Variants in ASB9 observed in about 807,000 individuals in gnomAD.
The protein encoded by ASB9 is ankyrin repeat and SOCS box containing 9.
Under a neutral mutation model 16.6 loss-of-function variants are expected in ASB9, and 5 were observed. That is an observed-to-expected ratio of 0.30 (90% CI 0.16 to 0.63). The LOEUF is 0.63. ASB9 is among the 30% of genes least tolerant of loss of function. The pLI, the probability that ASB9 is intolerant of heterozygous loss-of-function variation, is 0.82. For synonymous variants in ASB9, 100 were observed against 86.4 expected, an observed-to-expected ratio of 1.16 and a Z score of -0.87; for missense variants, 216 against 229.4, an observed-to-expected ratio of 0.94 and a Z score of 0.38.
chrX:15,265,424 A>G (rs1926301111), intron 1 of ASB9, among the ~76,000 whole-genome samples: 1 of 112,099 alleles, frequency 8.9e-6, no homozygotes, highest in Non-Finnish European at 1.9e-5. Context: ...TAATCAAGCA[A>G]CATACGCTGA....
intron 3 of ASB9, 66 bp from the exon 4 acceptor site, chrX:15,252,470 C>T: frequency 2.0e-6 from 2 of 1,023,700 alleles, no homozygotes; most frequent in Non-Finnish European, 2.6e-6. Context: ...GTGGGGTCCA[C>T]CACTCTGAAG....
In ASB9 at chrX:15,263,738, T is replaced by A. The variant is rs181890183; in HGVS notation, c.95-4793A>T. Among the ~76,000 whole-genome samples the A allele has an allele frequency of 8.1e-5, 9 of 111,389 alleles. No individual in the cohort carries two copies. In the East Asian group the frequency reaches 2.5e-3, roughly 31 times the overall value. On this transcript the variant is annotated intron_variant, in intron 1 of 6. Coordinates refer to ENST00000380488, the MANE Select transcript of ASB9 (RefSeq NM_001031739.3). The stretch of plus-strand genomic sequence containing the variant: ...TATCTAAAAATTCACCATAAGACAA[T>A]AAAATTGTTTTCTTTCAATACCTGT...
intron 5 of ASB9, among the ~76,000 whole-genome samples, chrX:15,250,119 C>G (rs962477291): frequency 1.8e-5 from 2 of 111,469 alleles, no homozygotes; most frequent in Non-Finnish European, 3.8e-5. Context: ...AATAATGTGA[C>G]TGGCCAAATG....
At chrX:15,252,932 G>C (rs980515855) in intron 3 of ASB9, among the ~76,000 whole-genome samples, 1 of 112,615 alleles carries the variant, frequency 8.9e-6, no homozygotes, top group African/African-American at 3.2e-5. Context: ...AGATGGTAAG[G>C]CTGGCTCAAA....
chrX:15,248,039 A>C (rs940086603), intron 6 of ASB9, among the ~76,000 whole-genome samples: 1 of 112,085 alleles, frequency 8.9e-6, no homozygotes, highest in Non-Finnish European at 1.9e-5. Context: ...TTCAGAGTCC[A>C]TACTCCGGTA....
intron 1 of ASB9, among the ~76,000 whole-genome samples, chrX:15,267,577 T>C (rs1221738122): frequency 1.2e-5 from 1 of 86,068 alleles, no homozygotes; most frequent in Non-Finnish European, 2.2e-5. Context: ...ACCCCGTCTC[T>C]ACTAAAAATA....
intron 2 of ASB9, among the ~76,000 whole-genome samples, chrX:15,256,704 G>C (rs79578578): frequency 0.3 from 29,065 of 95,763 alleles, 4,724 homozygotes; most frequent in South Asian, 0.48. Context: ...GTGAACCCCA[G>C]GGGGCGGAGC....
chrX:15,254,884 A>C, intron 2 of ASB9, 40 bp from the exon 3 acceptor site: 1 of 1,089,094 alleles, frequency 9.2e-7, no homozygotes. Context: ...GGTGCAAAGC[A>C]ACAGTGCCCT....
At chrX:15,256,515 C>A (rs1454271785) in intron 2 of ASB9, among the ~76,000 whole-genome samples, 2 of 107,384 alleles carry the variant, frequency 1.9e-5, no homozygotes, top group Non-Finnish European at 3.8e-5. Context: ...CAGTGGCTCA[C>A]GCCTGTAATC....
At chrX:15,258,306 A>C (rs191466370) in intron 2 of ASB9, among the ~76,000 whole-genome samples, 1,791 of 112,118 alleles carry the variant, frequency 0.016, 36 homozygotes, top group African/African-American at 0.054. Flanking sequence ...GATATATAAA[A>C]GCTGCAGTGA....
chrX:15,249,056 C>A, intron 5 of ASB9, 121 bp from the exon 6 acceptor site: 3 of 707,873 alleles, frequency 4.2e-6, no homozygotes, highest in South Asian at 4.4e-5. Flanking sequence ...GCACAGCAAT[C>A]CTGGAAAAAT....
chrX:15,258,128 C>A (rs1355014257), intron 2 of ASB9, among the ~76,000 whole-genome samples: 3 of 111,740 alleles, frequency 2.7e-5, no homozygotes, highest in African/African-American at 9.8e-5. Flanking sequence ...ATGGGGTGGA[C>A]TGACCTAGGT....
intron 3 of ASB9, 25 bp downstream of exon 3, chrX:15,254,712 A>G (rs1486817649): frequency 4.4e-6 from 5 of 1,130,840 alleles, no homozygotes; most frequent in Non-Finnish European, 6.1e-6. Flanking sequence ...CTTGGTTTCT[A>G]AGATGTTGTT....
At chrX:15,246,476 T>C (rs1569151712) in intron 6 of ASB9, among the ~76,000 whole-genome samples, 1 of 111,102 alleles carries the variant, frequency 9.0e-6, no homozygotes, top group Non-Finnish European at 1.9e-5. Context: ...ACCATTGATG[T>C]TTTGTTTTTT....
In ASB9 at chrX:15,250,315, C is replaced by G. The variant is rs745885422; in HGVS notation, c.568+115G>C. The G allele has an allele frequency of 1.2e-4, 101 of 852,170 alleles. No individual in the cohort carries two copies. In the South Asian group the frequency reaches 2.4e-3, roughly 20 times the overall value. 70.2% of individuals were successfully genotyped at this position (852,170 alleles called of 1,213,427 possible). A position where few individuals can be genotyped will look rare whatever the true frequency, so the allele number is the denominator to read the frequency against. On this transcript the variant is annotated intron_variant, in intron 5 of 6. Transcript: ENST00000380488. ...GGAACACAGTCAATATGAACCCTGA[C>G]CTTGTCCAACTCCATTGCCCACACT... is the stretch of plus-strand genomic sequence containing the variant.
intron 2 of ASB9, among the ~76,000 whole-genome samples, chrX:15,256,057 G>A (rs1672123186): frequency 9.0e-6 from 1 of 111,280 alleles, no homozygotes; most frequent in Admixed American, 9.6e-5. Flanking sequence ...GTAGCCTACA[G>A]AGTCAAATCT....
chrX:15,249,586 C>A (rs182153025), intron 5 of ASB9, among the ~76,000 whole-genome samples: 1 of 112,758 alleles, frequency 8.9e-6, no homozygotes, highest in Non-Finnish European at 1.9e-5. Flanking sequence ...CATGTGGGAA[C>A]ATGTGGCTTT....
intron 6 of ASB9, among the ~76,000 whole-genome samples, chrX:15,246,814 G>A (rs192827381): frequency 9.0e-6 from 1 of 111,649 alleles, no homozygotes; most frequent in Non-Finnish European, 1.9e-5. Flanking sequence ...AAAGTGCACT[G>A]GGTGAGGGGG....
chrX:15,245,223 C>T (rs567905972), intron 6 of ASB9, among the ~76,000 whole-genome samples: 1 of 111,461 alleles, frequency 9.0e-6, no homozygotes, highest in South Asian at 3.8e-4. Context: ...TGGTTCACAA[C>T]TGGGAGGAGG....
Sources: allele counts gnomAD v4.1 joint callset (sites outside exome capture counted in the v4.1 genomes callset), GRCh38; gene constraint gnomAD v4.1.1; transcripts MANE v1.5; gene names NCBI Gene and HGNC (gene_info 2026-07-23, HGNC 2026-07-21).